RELN: variants seen among roughly 807,000 people sequenced by gnomAD.
The protein encoded by RELN is reelin.
RELN carries 108 observed loss-of-function variants against 427.6 expected under a neutral mutation model. That is an observed-to-expected ratio of 0.25 (90% CI 0.22 to 0.30). The LOEUF (loss-of-function observed/expected upper bound fraction) is 0.30, where lower values mean the gene tolerates loss of function less well. Among genes scored for constraint, RELN ranks in the 10% least tolerant of loss-of-function variants. RELN has a pLI of 1.00. For synonymous variants in RELN, 1,524 were observed against 1,513.4 expected (o/e 1.01, Z -0.16); for missense variants, 3,715 against 4,302.8 (o/e 0.86, Z 3.82).
chr7:103,810,089 A>G (rs1792699785), intron 3 of RELN, among the ~76,000 whole-genome samples: 1 of 152,104 alleles, frequency 6.6e-6, no homozygotes, highest in Non-Finnish European at 1.5e-5. Context: ...TAATCTCACA[A>G]TTCAGACCAA....
At chr7:103,651,828 G>A (rs1832921754) in intron 14 of RELN, 39 bp from the exon 15 acceptor site, 1 of 1,603,994 alleles carries the variant, frequency 6.2e-7, no homozygotes, top group Non-Finnish European at 8.5e-7. Flanking sequence ...AAGGTGGGGA[G>A]GGTAAAGATA....
intron 2 of RELN, among the ~76,000 whole-genome samples, chr7:103,855,916 A>T (rs1295328084): frequency 6.6e-6 from 1 of 152,300 alleles, no homozygotes; most frequent in Non-Finnish European, 1.5e-5. Context: ...CCTGTTTTCA[A>T]TTAAGGTCTC....
intron 1 of RELN, among the ~76,000 whole-genome samples, chr7:103,923,060 A>T (rs1277917508): frequency 6.6e-6 from 1 of 152,220 alleles, no homozygotes; most frequent in East Asian, 1.9e-4. Context: ...TGAAGATGAA[A>T]AACGCCAGCA....
At chr7:103,802,321 A>T (rs189785614) in intron 3 of RELN, among the ~76,000 whole-genome samples, 2 of 152,322 alleles carry the variant, frequency 1.3e-5, no homozygotes, top group Non-Finnish European at 2.9e-5. Flanking sequence ...GACATGACTA[A>T]ATAAATCAAA....
At chr7:103,494,041 A>G (rs905741477) in intron 57 of RELN, among the ~76,000 whole-genome samples, 2 of 152,252 alleles carry the variant, frequency 1.3e-5, no homozygotes, top group African/African-American at 4.8e-5. Flanking sequence ...AATACCTTTG[A>G]TCTGGGCCAC....
intron 3 of RELN, among the ~76,000 whole-genome samples, chr7:103,814,300 T>C (rs1792815965): frequency 6.6e-6 from 1 of 152,086 alleles, no homozygotes. Context: ...ATTTAGAGAG[T>C]TACATATGCT....
rs756282711 is a variant in RELN at position 103,593,800 on chromosome 7, T to G, written c.3794A>C (p.Lys1265Thr). Residue 1265 changes from lysine (K) to threonine (T), a missense_variant, in exon 27 of 65, where the codon AAA becomes ACA. Lys to Thr is a moderately conservative substitution (Grantham distance 78, BLOSUM62 -1). Coordinates refer to ENST00000428762, the MANE Select transcript of RELN (RefSeq NM_005045.4). ...TGTGGCAGCACAGAAGGTTTCATTT[T>G]TAACCATTCCTTCATTAGCCAACAT... ...WLMLANEGMV[K>T]NETFCAATPS... 7 of 1,613,896 alleles carry G rather than the reference T, an allele frequency of 4.3e-6. No homozygotes were observed. In the South Asian group the frequency reaches 7.7e-5, roughly 18 times the overall value.
At chr7:103,827,755 C>T (rs1309549084) in intron 3 of RELN, among the ~76,000 whole-genome samples, 3 of 151,804 alleles carry the variant, frequency 2.0e-5, no homozygotes, top group Non-Finnish European at 4.4e-5. Context: ...TTGAGCAGCA[C>T]TGACATTGTC....
intron 42 of RELN, 32 bp downstream of exon 42, chr7:103,545,092 A>G: frequency 6.4e-7 from 1 of 1,559,964 alleles, no homozygotes; most frequent in Non-Finnish European, 8.8e-7. Flanking sequence ...GTTCTTTCAC[A>G]AGACTACATA....
chr7:103,607,226 C>G (rs753268709), intron 22 of RELN, among the ~76,000 whole-genome samples: 2 of 151,898 alleles, frequency 1.3e-5, no homozygotes, highest in Non-Finnish European at 2.9e-5. Context: ...CACATGTACC[C>G]TAAAACTTAA....
intron 33 of RELN, 48 bp downstream of exon 33, chr7:103,566,176 T>A: frequency 6.8e-7 from 1 of 1,478,694 alleles, no homozygotes; most frequent in Non-Finnish European, 9.4e-7. Context: ...GTTAATTTAG[T>A]CCTCTAGTTA....
At chr7:103,957,693 A>C (rs954122975) in intron 1 of RELN, among the ~76,000 whole-genome samples, 1 of 152,100 alleles carries the variant, frequency 6.6e-6, no homozygotes, top group South Asian at 2.1e-4. Context: ...CTATCTTTCA[A>C]TGTACCTGTA....
chr7:103,968,957 T>C lies in RELN; in HGVS notation c.226+20174A>G, dbSNP rs1255252518. Among the ~76,000 whole-genome samples, 2 of 152,196 alleles carry C rather than the reference T, an allele frequency of 1.3e-5. No homozygotes were observed. Among genetic ancestry groups the C allele is most frequent in the Non-Finnish European group, 2.9e-5 (2 of 68,024 alleles). On this transcript the variant is annotated intron_variant, in intron 1 of 64. Transcript: ENST00000428762. This position sits in a 1 kb window ranked among gnomAD's most constrained non-coding sequence, Gnocchi z 4.3. ...AAGAAATGACCTATTTAACTTGACA[T>C]TTTATAGGTTTCAATACCTCTCTGT...
At chr7:103,724,343 G>A (rs1241380550) in intron 7 of RELN, among the ~76,000 whole-genome samples, 1 of 152,164 alleles carries the variant, frequency 6.6e-6, no homozygotes, top group African/African-American at 2.4e-5. Flanking sequence ...ATGAAGAGCT[G>A]TAGGAAATGA....
chr7:103,928,421 G>T (rs1277480291), intron 1 of RELN, among the ~76,000 whole-genome samples: 1 of 152,132 alleles, frequency 6.6e-6, no homozygotes, highest in Non-Finnish European at 1.5e-5. Flanking sequence ...TTCTGTTTCT[G>T]TATTATTGGG....
chr7:103,646,757 T>A (rs1247856279), intron 16 of RELN, among the ~76,000 whole-genome samples: 1 of 152,000 alleles, frequency 6.6e-6, no homozygotes, highest in African/African-American at 2.4e-5. Flanking sequence ...GAATCCTTCA[T>A]AACTCATTCT....
At chr7:103,625,652 G>A (rs1832312965) in intron 20 of RELN, among the ~76,000 whole-genome samples, 1 of 151,340 alleles carries the variant, frequency 6.6e-6, no homozygotes, top group Non-Finnish European at 1.5e-5. Context: ...TTTTACAGAT[G>A]AAAACCTCAG....
intron 8 of RELN, among the ~76,000 whole-genome samples, chr7:103,705,566 T>C (rs999172682): frequency 1.3e-5 from 2 of 152,220 alleles, no homozygotes; most frequent in Non-Finnish European, 2.9e-5. Flanking sequence ...CAATGCTTAT[T>C]AGCACTAATA....
rs1472381080 is a variant in RELN at position 103,636,296 on chromosome 7, C to T, written c.2242G>A (p.Val748Ile). 6.2e-7 allele frequency: 1 copy of T among 1,614,018 alleles called. No homozygotes were observed. Among genetic ancestry groups the T allele is most frequent in the Non-Finnish European group, 8.5e-7 (1 of 1,179,978 alleles). Residue 748 changes from valine (V) to isoleucine (I), a missense_variant, in exon 18 of 65, where the codon GTT becomes ATT. Coordinates refer to ENST00000428762, the MANE Select transcript of RELN (RefSeq NM_005045.4). ...TGACGCCGCCCATCTTTGTTGAAAA[C>T]CAGGGCCTTACCACTGGCCAAGACA... is the stretch of plus-strand genomic sequence containing the variant. ...CGVLASGKAL[V>I]FNKDGRRQLI...
Sources: allele counts gnomAD v4.1 joint callset (sites outside exome capture counted in the v4.1 genomes callset), GRCh38; gene constraint gnomAD v4.1.1; non-coding constraint Gnocchi (gnomAD v3.1); transcripts MANE v1.5; gene names NCBI Gene and HGNC (gene_info 2026-07-23, HGNC 2026-07-21).